Variants in CDKAL1 observed in about 807,000 individuals in gnomAD.
CDKAL1 encodes CDKAL1 threonylcarbamoyladenosine tRNA methylthiotransferase.
Under a neutral mutation model 68.2 loss-of-function variants are expected in CDKAL1, and 32 were observed. That is an observed-to-expected ratio of 0.47 (90% CI 0.35 to 0.63). The LOEUF is 0.63. CDKAL1 is among the 30% of genes least tolerant of loss of function. The pLI is 0.00. For synonymous variants in CDKAL1, 234 were observed against 244.3 expected (o/e 0.96, Z 0.39); for missense variants, 606 against 696.7 (o/e 0.87, Z 1.47).
intron 5 of CDKAL1, among the ~76,000 whole-genome samples, chr6:20,696,075 A>G (rs1027293745): frequency 4.6e-5 from 7 of 152,188 alleles, no homozygotes; most frequent in Non-Finnish European, 1.5e-5. Context: ...CCATTGCCAC[A>G]TTTCTTGAAT....
At chr6:20,987,800 G>A (rs1310149975) in intron 10 of CDKAL1, among the ~76,000 whole-genome samples, 1 of 151,732 alleles carries the variant, frequency 6.6e-6, no homozygotes, top group Non-Finnish European at 1.5e-5. Context: ...ATTTTTTTGG[G>A]ACAGGGTCTT....
intron 11 of CDKAL1, among the ~76,000 whole-genome samples, chr6:21,002,448 T>C (rs1429159321): frequency 6.6e-6 from 1 of 152,130 alleles, no homozygotes; most frequent in Non-Finnish European, 1.5e-5. Context: ...AATTAGATTG[T>C]AGAGTATGAG....
At chr6:20,813,188 C>T (rs1267912524) in intron 8 of CDKAL1, among the ~76,000 whole-genome samples, 1 of 152,112 alleles carries the variant, frequency 6.6e-6, no homozygotes, top group Non-Finnish European at 1.5e-5. Context: ...CTCATGTGAT[C>T]TCCCCACTTT....
At chr6:20,861,271 G>A (rs1759611331) in intron 9 of CDKAL1, among the ~76,000 whole-genome samples, 1 of 152,198 alleles carries the variant, frequency 6.6e-6, no homozygotes, top group African/African-American at 2.4e-5. Context: ...AACCATAAAT[G>A]TAAGCGTACG....
intron 10 of CDKAL1, among the ~76,000 whole-genome samples, chr6:20,960,410 T>A (rs147545147): frequency 1.3e-5 from 2 of 152,372 alleles, no homozygotes; most frequent in East Asian, 3.9e-4. Flanking sequence ...TCTACTCTAC[T>A]GCATCTTCAA....
intron 9 of CDKAL1, among the ~76,000 whole-genome samples, chr6:20,907,244 G>A (rs928562372): frequency 1.3e-5 from 2 of 152,060 alleles, no homozygotes; most frequent in African/African-American, 4.8e-5. Context: ...GCAACATGGC[G>A]AAACCACGTC....
intron 8 of CDKAL1, among the ~76,000 whole-genome samples, chr6:20,830,336 G>A (rs548822574): frequency 1.3e-5 from 2 of 152,078 alleles, no homozygotes; most frequent in Admixed American, 6.6e-5. Context: ...GCAACAATAT[G>A]TTTTGCCCTA....
At chr6:20,784,097 T>C (rs371729600) in intron 8 of CDKAL1, among the ~76,000 whole-genome samples, 3 of 151,516 alleles carry the variant, frequency 2.0e-5, no homozygotes. Context: ...CCTGTAATCC[T>C]AGCTACTCGG....
At chr6:20,936,844 T>A (rs1450073868) in intron 9 of CDKAL1, among the ~76,000 whole-genome samples, 1 of 152,164 alleles carries the variant, frequency 6.6e-6, no homozygotes, top group Non-Finnish European at 1.5e-5. Flanking sequence ...AGGAAATAGG[T>A]TCTTGATTTA....
chr6:20,934,203 CAG>C (rs1163871360), intron 9 of CDKAL1, among the ~76,000 whole-genome samples: 11 of 152,100 alleles, frequency 7.2e-5, no homozygotes, highest in Admixed American at 2.6e-4. Context: ...TTTCTAGAAT[CAG>C]GGGACTAGAG....
At chr6:21,071,414 C>A (rs1441254509) in intron 12 of CDKAL1, among the ~76,000 whole-genome samples, 2 of 152,142 alleles carry the variant, frequency 1.3e-5, no homozygotes, top group East Asian at 3.9e-4. Context: ...CTGAGGCCTC[C>A]CCAGCCATGC....
At chr6:21,037,228 A>G (rs771005561) in intron 11 of CDKAL1, among the ~76,000 whole-genome samples, 7 of 152,154 alleles carry the variant, frequency 4.6e-5, no homozygotes, top group Non-Finnish European at 8.8e-5. Flanking sequence ...TTTGAAAACA[A>G]TTGTTTTTAG....
At chr6:21,094,766 C>A (rs943335764) in intron 12 of CDKAL1, among the ~76,000 whole-genome samples, 1 of 152,130 alleles carries the variant, frequency 6.6e-6, no homozygotes, top group African/African-American at 2.4e-5. Context: ...ATACACAGAG[C>A]AGATACGCAA....
At chr6:21,098,530 A>G (rs1773425619) in intron 12 of CDKAL1, among the ~76,000 whole-genome samples, 1 of 139,042 alleles carries the variant, frequency 7.2e-6, no homozygotes, top group Non-Finnish European at 1.5e-5. Context: ...AAACGGGTAC[A>G]CAGCTTTTTT....
intron 9 of CDKAL1, among the ~76,000 whole-genome samples, chr6:20,951,997 C>T (rs1318849661): frequency 1.2e-4 from 17 of 138,002 alleles, no homozygotes; most frequent in East Asian, 4.3e-4. Flanking sequence ...CTTGCTCTGT[C>T]GCCCAGGCTG....
At chr6:21,064,971 G>C (rs1470168774) in intron 11 of CDKAL1, 77 bp from the exon 12 acceptor site, 19 of 842,386 alleles carry the variant, frequency 2.3e-5, no homozygotes, top group Non-Finnish European at 3.1e-5. Flanking sequence ...CCATAAAATT[G>C]TATTTAAAAT....
At chr6:20,572,864 G>T (rs1297152616) in intron 4 of CDKAL1, among the ~76,000 whole-genome samples, 3 of 151,878 alleles carry the variant, frequency 2.0e-5, no homozygotes, top group South Asian at 2.1e-4. Flanking sequence ...TGAAAGTATA[G>T]TAGTAGTTTA....
At chr6:20,674,448 A>C (rs1294654561) in intron 5 of CDKAL1, among the ~76,000 whole-genome samples, 1 of 152,182 alleles carries the variant, frequency 6.6e-6, no homozygotes, top group Non-Finnish European at 1.5e-5. Context: ...TTTTCTTTTT[A>C]AAAAATGGAT....
intron 10 of CDKAL1, among the ~76,000 whole-genome samples, chr6:20,989,962 G>C (rs754879732): frequency 1.3e-4 from 20 of 152,056 alleles, no homozygotes; most frequent in Non-Finnish European, 1.9e-4. Flanking sequence ...AATAAAATAG[G>C]CTCGGCGTGG....
Sources: allele counts gnomAD v4.1 joint callset (sites outside exome capture counted in the v4.1 genomes callset), GRCh38; gene constraint gnomAD v4.1.1; transcripts MANE v1.5; gene names NCBI Gene and HGNC (gene_info 2026-07-23, HGNC 2026-07-21).